FBXL18: variants seen among roughly 807,000 people sequenced by gnomAD.
The protein encoded by FBXL18 is F-box/LRR-repeat protein 18.
In FBXL18, 36 loss-of-function variants were observed where a neutral mutation model predicts 46.0. That is an observed-to-expected ratio of 0.78 (90% CI 0.60 to 1.03). The LOEUF (loss-of-function observed/expected upper bound fraction) is 1.03, where lower values mean the gene tolerates loss of function less well. FBXL18 is among the 50% of genes least tolerant of loss of function. FBXL18 has a pLI of 0.00. For missense variants in FBXL18, 977 were observed against 1,004.1 expected (o/e 0.97, Z 0.36); for synonymous variants, 557 against 465.3 (o/e 1.20, Z -2.54).
rs1312984332 is a variant in FBXL18 at position 5,455,930 on chromosome 7, G to A, written c.2001-8087C>T. On this transcript the variant is annotated intron_variant and NMD_transcript_variant, in intron 4 of 6. Coordinates refer to the FBXL18 transcript ENST00000415009. This position sits in a 1 kb window ranked among gnomAD's most constrained non-coding sequence, Gnocchi z 4.6. ...CATGGGCCGTGCTGGCTCCAGCATC[G>A]CAGTCTAACAGCTCCCTGCCGCATT... 4.6e-5 allele frequency among the ~76,000 whole-genome samples: 7 copies of A among 152,048 alleles called. No individual in the cohort carries two copies. The highest frequency in any genetic ancestry group is 1.9e-4 in the East Asian group (1 of 5,180).
intron 1 of FBXL18, among the ~76,000 whole-genome samples, chr7:5,511,935 G>T (rs897875443): frequency 6.6e-5 from 10 of 151,634 alleles, no homozygotes; most frequent in Admixed American, 6.6e-4. Context: ...TTTAAAAAGA[G>T]AAATAAAAAT....
chr7:5,473,031 G>A (rs1012801743), downstream of FBXL18, among the ~76,000 whole-genome samples: 4 of 152,184 alleles, frequency 2.6e-5, no homozygotes, highest in South Asian at 4.1e-4. Flanking sequence ...AGCCATTGGC[G>A]TCGGCAGCAC....
At position 5,482,995 on chromosome 7, in the gene FBXL18, G is replaced by A. The variant is rs970338856; in HGVS notation, c.2001-1064C>T. The stretch of plus-strand genomic sequence containing the variant: ...AGAGGCGGCAGTGAGCTAAGATCAC[G>A]CCACTGTACTCCAGCCTGGGCAACA... On this transcript the variant is annotated intron_variant, in intron 4 of 4. Transcript: ENST00000382368. 2.0e-5 allele frequency among the ~76,000 whole-genome samples: 3 copies of A among 150,850 alleles called. No individual in the cohort carries two copies. The South Asian group carries it at 6.3e-4, about 32-fold the overall frequency.
intron 4 of FBXL18, among the ~76,000 whole-genome samples, chr7:5,483,676 G>GGAGGTTGCAGTGAGCC (rs1357013921): frequency 6.6e-6 from 1 of 151,736 alleles, no homozygotes; most frequent in South Asian, 2.1e-4. Context: ...CCTGGGAGGC[G>GGAGGTTGCAGTGAGCC]GAGGTTGCAG....
At chr7:5,472,324 G>A (rs1388082995), downstream of FBXL18, among the ~76,000 whole-genome samples, 2 of 152,162 alleles carry the variant, frequency 1.3e-5, no homozygotes, top group Non-Finnish European at 1.5e-5. Context: ...CCTGGCAAGT[G>A]GGGGGTCTGT....
At chr7:5,497,725 T>C (rs1234485530) in intron 3 of FBXL18, among the ~76,000 whole-genome samples, 1 of 152,182 alleles carries the variant, frequency 6.6e-6, no homozygotes, top group African/African-American at 2.4e-5. Flanking sequence ...GCACCGGTGT[T>C]TGCGAGAGAC....
chr7:5,489,906 C>CT, intron 4 of FBXL18: 1 of 1,063,150 alleles, frequency 9.4e-7, no homozygotes, highest in Non-Finnish European at 1.3e-6. Flanking sequence ...GATCCCGCCA[C>CT]TGCACTCCAG....
At chr7:5,512,018 G>T (rs1784547661) in intron 1 of FBXL18, among the ~76,000 whole-genome samples, 1 of 150,022 alleles carries the variant, frequency 6.7e-6, no homozygotes, top group Admixed American at 6.7e-5. Flanking sequence ...GGTGGATCAC[G>T]AGGTCAGGAG....
chr7:5,501,900 C>T lies in FBXL18; in HGVS notation c.369G>A (p.Lys123=), dbSNP rs751060392. The change falls in exon 3 of 5, where the codon AAG becomes AAA. Residue 123 remains lysine (K), a synonymous_variant. Coordinates refer to ENST00000382368, the MANE Select transcript of FBXL18 (RefSeq NM_024963.6). ...TGAGGTGGCAGCCCGAGAGGTTCAC[C>T]TTCACCAGGCTGCGGCAGCGGGCCA... ...EHVARCRSLV[K]VNLSGCHLTS... is the part of the protein sequence containing the mutation. 7.5e-6 allele frequency: 12 copies of T among 1,602,822 alleles called. No homozygotes were observed. The South Asian group carries it at 1.0e-4, about 14-fold the overall frequency.
downstream of FBXL18, among the ~76,000 whole-genome samples, chr7:5,474,310 G>T (rs1270284161): frequency 6.9e-6 from 1 of 144,834 alleles, no homozygotes; most frequent in African/African-American, 2.5e-5. Context: ...TGTGCAGTTC[G>T]TTTTTTTTTT....
At chr7:5,461,276 C>T (rs969259346) in intron 4 of FBXL18, among the ~76,000 whole-genome samples, 3 of 152,222 alleles carry the variant, frequency 2.0e-5, no homozygotes, top group Non-Finnish European at 2.9e-5. Context: ...GCTGCATTTT[C>T]TTCCTTCCAG....
intron 3 of FBXL18, among the ~76,000 whole-genome samples, chr7:5,497,107 G>A (rs919163576): frequency 6.6e-6 from 1 of 151,668 alleles, no homozygotes; most frequent in Non-Finnish European, 1.5e-5. Context: ...AGGCTGAGGT[G>A]GGAGGATCAC....
At position 5,501,041 on chromosome 7, in the gene FBXL18, C is replaced by A. The variant is rs968314553; in HGVS notation, c.1228G>T (p.Ala410Ser). 6.2e-7 allele frequency: 1 copy of A among 1,606,702 alleles called. No individual in the cohort carries two copies. Among genetic ancestry groups the A allele is most frequent in the East Asian group, 2.2e-5 (1 of 44,790 alleles). Residue 410 changes from alanine (A) to serine (S), a missense_variant, in exon 3 of 5, where the codon GCC becomes TCC. Ala to Ser is a moderately conservative substitution (Grantham distance 99). Transcript: ENST00000382368. ...GLGRHLCQLL[A>S]RLRHLRSLSL... Reference sequence around the variant, plus strand: ...AGGGAGCGCAGGTGACGCAGCCGGGCCAGGAGCTGGCAGAGGTGGCGGCCC... The same window carrying A: ...AGGGAGCGCAGGTGACGCAGCCGGGACAGGAGCTGGCAGAGGTGGCGGCCC...
chr7:5,503,103 C>T (rs1178364200), intron 2 of FBXL18, among the ~76,000 whole-genome samples: 1 of 152,238 alleles, frequency 6.6e-6, no homozygotes, highest in Non-Finnish European at 1.5e-5. Context: ...GAAGGGAGGC[C>T]GGGCGCTTCA....
intron 4 of FBXL18, among the ~76,000 whole-genome samples, chr7:5,488,374 G>A (rs1170912970): frequency 3.3e-5 from 5 of 152,236 alleles, no homozygotes; most frequent in East Asian, 1.9e-4. Flanking sequence ...CAGGCTCATC[G>A]GAGCAGGAGG....
intron 4 of FBXL18, among the ~76,000 whole-genome samples, chr7:5,468,253 G>T (rs1041666550): frequency 2.6e-5 from 4 of 152,122 alleles, no homozygotes; most frequent in Non-Finnish European, 4.4e-5. Flanking sequence ...AAAGTGCTGG[G>T]ATTACAGGCA....
intron 4 of FBXL18, among the ~76,000 whole-genome samples, chr7:5,460,076 A>G (rs1020876991): frequency 6.6e-6 from 1 of 152,066 alleles, no homozygotes; most frequent in African/African-American, 2.4e-5. Flanking sequence ...CCTAGGCAAC[A>G]TAGTGAGACC....
At chr7:5,499,059 G>T (rs1239132786) in intron 3 of FBXL18, among the ~76,000 whole-genome samples, 2 of 152,136 alleles carry the variant, frequency 1.3e-5, no homozygotes, top group African/African-American at 4.8e-5. Context: ...ACACTGTCTG[G>T]TGTGGAGCTC....
intron 4 of FBXL18, among the ~76,000 whole-genome samples, chr7:5,467,166 A>G (rs1562673988): frequency 6.6e-6 from 1 of 152,154 alleles, no homozygotes; most frequent in South Asian, 2.1e-4. Flanking sequence ...CCTGGCTTAC[A>G]CAGTGAAACC....
Sources: allele counts gnomAD v4.1 joint callset (sites outside exome capture counted in the v4.1 genomes callset), GRCh38; gene constraint gnomAD v4.1.1; non-coding constraint Gnocchi (gnomAD v3.1); transcripts MANE v1.5; gene names NCBI Gene and HGNC (gene_info 2026-07-23, HGNC 2026-07-21).